TSACC: variants seen among roughly 807,000 people sequenced by gnomAD.
TSACC encodes TSSK6-activating co-chaperone protein.
In TSACC, 3 loss-of-function variants were observed where a neutral mutation model predicts 6.9. The observed-to-expected ratio is 0.43, with a 90% CI of 0.20 to 1.12. The LOEUF is 1.12. TSACC is among the 50% of genes most tolerant of loss of function. The probability of loss-of-function intolerance (pLI) is 0.28; values close to 1 mark genes in which losing one functional copy is unlikely to be tolerated. For synonymous variants in TSACC, 54 were observed against 55.1 expected (o/e 0.98, Z 0.09); for missense variants, 137 against 143.9 (o/e 0.95, Z 0.24).
At chr1:156,337,760 G>T (rs958619280), upstream of TSACC, 1 of 244,760 alleles carries the variant, frequency 4.1e-6, no homozygotes, top group Non-Finnish European at 8.0e-6. Context: ...GCTACTAAGG[G>T]ATGGGCCAAG....
upstream of TSACC, chr1:156,337,915 C>T (rs1206197054): frequency 1.8e-6 from 1 of 559,416 alleles, no homozygotes; most frequent in African/African-American, 1.9e-5. Context: ...AAGAGCTTCC[C>T]AAGACGAGCA....
intron 2 of TSACC, 42 bp from the exon 3 acceptor site, chr1:156,344,538 C>T (rs200308448): frequency 1.6e-5 from 25 of 1,603,532 alleles, no homozygotes; most frequent in Non-Finnish European, 1.9e-5. Flanking sequence ...GAAAGGCTGT[C>T]CCTTGTTGGA....
At chr1:156,338,015 C>T, upstream of TSACC, 3 of 897,372 alleles carry the variant, frequency 3.3e-6, no homozygotes, top group Non-Finnish European at 5.4e-6. Context: ...GAAAGCGGGA[C>T]ACTGGGCTTC....
At chr1:156,341,732 A>G (rs576954702) in intron 2 of TSACC, among the ~76,000 whole-genome samples, 2 of 152,238 alleles carry the variant, frequency 1.3e-5, no homozygotes, top group South Asian at 4.1e-4. Flanking sequence ...TTGTGTAAAA[A>G]TGTGTAAAGC....
chr1:156,340,268 C>T (rs1665792629), intron 2 of TSACC, among the ~76,000 whole-genome samples: 1 of 152,208 alleles, frequency 6.6e-6, no homozygotes, highest in Non-Finnish European at 1.5e-5. Flanking sequence ...ACGCCATTCT[C>T]CTGCCTCGGC....
chr1:156,342,062 CA>C (rs554820517), intron 2 of TSACC, among the ~76,000 whole-genome samples: 345 of 57,236 alleles, frequency 6.0e-3, no homozygotes, highest in African/African-American at 8.8e-3. Context: ...ACTCCGTCTC[CA>C]AAAAAAAAAA....
rs1557784442 is a variant in TSACC, at chr1:156,346,930, C to T, written c.326C>T (p.Pro109Leu). The change falls in exon 4 of 4, where the codon CCA (proline) becomes CTA (leucine). Residue 109 changes from proline to leucine, a missense_variant. Coordinates refer to ENST00000368254, the MANE Select transcript of TSACC (RefSeq NM_001304817.2). ...PGRGSNNSSL[P>L]ALSPNPLLNH... ...AGGGGAAGCAATAACTCTTCTCTCC[C>T]AGCCTTATCTCCTAATCCATTGTTA... 1.2e-6 allele frequency: 2 copies of T among 1,614,204 alleles called. No homozygotes were observed. Among genetic ancestry groups the T allele is most frequent in the African/African-American group, 2.7e-5 (2 of 75,048 alleles).
chr1:156,338,424 C>T (rs1228265619), upstream of TSACC: 19 of 576,122 alleles, frequency 3.3e-5, no homozygotes, highest in Non-Finnish European at 5.3e-5. Context: ...AGACAGAGAG[C>T]GCACGACGAA....
intron 2 of TSACC, among the ~76,000 whole-genome samples, chr1:156,340,873 A>AC (rs1488686353): frequency 1.3e-5 from 2 of 151,970 alleles, no homozygotes; most frequent in East Asian, 3.9e-4. Context: ...TATTTGCCAG[A>AC]CCCTCTTAAG....
upstream of TSACC, chr1:156,337,792 GA>G: frequency 2.1e-5 from 6 of 280,400 alleles, no homozygotes; most frequent in Non-Finnish European, 3.3e-5. Flanking sequence ...AGACCTAACT[GA>G]AAAAAAAACA....
At chr1:156,339,122 G>A (rs567972843) in intron 1 of TSACC, among the ~76,000 whole-genome samples, 53 of 152,244 alleles carry the variant, frequency 3.5e-4, no homozygotes, top group African/African-American at 1.2e-3. Flanking sequence ...AAATTAGCCG[G>A]GCGTGGTGGC....
chr1:156,340,340 T>C (rs1160067091), intron 2 of TSACC, among the ~76,000 whole-genome samples: 4 of 152,122 alleles, frequency 2.6e-5, no homozygotes, highest in African/African-American at 4.8e-5. Context: ...TTTGTGTTTT[T>C]AGTAGAGACG....
chr1:156,339,828 A>G (rs1558280248), intron 2 of TSACC, 37 bp downstream of exon 2: 4 of 1,611,908 alleles, frequency 2.5e-6, no homozygotes, highest in African/African-American at 1.3e-5. Flanking sequence ...TCCCTTAAAA[A>G]GCAAGACCTC....
upstream of TSACC, chr1:156,338,125 G>A (rs190257333): frequency 4.0e-5 from 63 of 1,575,014 alleles, no homozygotes; most frequent in African/African-American, 3.3e-4. Flanking sequence ...CGAAAAGGGG[G>A]TCCATTTCCT....
intron 2 of TSACC, among the ~76,000 whole-genome samples, chr1:156,340,449 GC>G (rs71591937): frequency 6.9e-6 from 1 of 144,992 alleles, no homozygotes; most frequent in Admixed American, 7.0e-5. Flanking sequence ...GTGAGCTACC[GC>G]CCCCGGCCTT....
chr1:156,342,595 CCTT>C (rs1450712939), intron 2 of TSACC, among the ~76,000 whole-genome samples: 2 of 152,158 alleles, frequency 1.3e-5, no homozygotes, highest in Admixed American at 6.5e-5. Context: ...ATGAAGAGGC[CCTT>C]CTTAATCCTT....
chr1:156,346,771 A>G lies in TSACC; in HGVS notation c.167A>G (p.Asp56Gly), dbSNP rs1305239935. Residue 56 changes from aspartate (D) to glycine (G), a missense_variant, in exon 4 of 4, where the codon GAT becomes GGT. Transcript: ENST00000368254. ...NIQTTKLPSV[D>G]HKPKECLGLL... The stretch of plus-strand genomic sequence containing the variant: ...TCCGTTGCTTTTCCTTCTGGAGTTG[A>G]TCACAAGCCCAAGGAATGCCTAGGA... 1 of 1,614,036 alleles carries G rather than the reference A, an allele frequency of 6.2e-7. No individual in the cohort carries two copies. Among genetic ancestry groups the G allele is most frequent in the Admixed American group, 1.7e-5 (1 of 60,016 alleles).
chr1:156,344,807 T>C, intron 3 of TSACC, 99 bp downstream of exon 3: 1 of 1,415,124 alleles, frequency 7.1e-7, no homozygotes, highest in Non-Finnish European at 9.6e-7. Context: ...GAGCCAAATC[T>C]ATGTTAGGCA....
intron 2 of TSACC, among the ~76,000 whole-genome samples, 167 bp downstream of exon 2, chr1:156,339,958 C>G (rs1003273127): frequency 2.6e-5 from 4 of 152,298 alleles, no homozygotes; most frequent in East Asian, 1.9e-4. Flanking sequence ...TCCTTTGTAT[C>G]TCCTCTTAAT....
Sources: gnomAD v4.1 joint callset for allele counts (sites outside exome capture counted in the v4.1 genomes callset) on GRCh38, gnomAD v4.1.1 for gene constraint, MANE v1.5 for transcripts, NCBI Gene and HGNC (gene_info 2026-07-23, HGNC 2026-07-21) for gene names.